SDCCAG8: variants seen among roughly 807,000 people sequenced by gnomAD.
SDCCAG8 encodes the protein SHH signaling and ciliogenesis regulator SDCCAG8, also known as serologically defined colon cancer antigen 8.
Under a neutral mutation model 101.8 loss-of-function variants are expected in SDCCAG8, and 74 were observed. The observed-to-expected ratio is 0.73, with a 90% confidence interval of 0.60 to 0.88. The LOEUF is 0.88. Among genes scored for constraint, SDCCAG8 ranks in the 40% least tolerant of loss-of-function variants. The probability of loss-of-function intolerance (pLI) is 0.00; values close to 1 mark genes in which losing one functional copy is unlikely to be tolerated. For synonymous variants in SDCCAG8, 281 were observed against 292.9 expected (o/e 0.96, Z 0.41); for missense variants, 787 against 822.6 (o/e 0.96, Z 0.53).
At chr1:243,481,896 A>C (rs377476478) in intron 16 of SDCCAG8, among the ~76,000 whole-genome samples, 2 of 152,338 alleles carry the variant, frequency 1.3e-5, no homozygotes, top group African/African-American at 4.8e-5. Context: ...ATTGAAAAAC[A>C]TACACGCATA....
chr1:243,318,120 A>C, intron 9 of SDCCAG8: 1 of 455,760 alleles, frequency 2.2e-6, no homozygotes, highest in African/African-American at 2.0e-5. Context: ...TTCATCACTG[A>C]CAGATTGTAT....
At chr1:243,446,368 T>C (rs2082906996) in intron 16 of SDCCAG8, among the ~76,000 whole-genome samples, 1 of 152,098 alleles carries the variant, frequency 6.6e-6, no homozygotes, top group South Asian at 2.1e-4. Context: ...CTGGGATAAA[T>C]TGATCCTTCC....
intron 12 of SDCCAG8, among the ~76,000 whole-genome samples, chr1:243,361,084 A>G (rs961568500): frequency 6.6e-6 from 1 of 152,112 alleles, no homozygotes; most frequent in Admixed American, 6.5e-5. Flanking sequence ...TCTTTTCAAC[A>G]TATTGCCATA....
rs1344019454 is a variant in SDCCAG8 at position 243,458,668 on chromosome 1, T to A, written c.1986-30346T>A. Among the ~76,000 whole-genome samples, 2 of 152,184 alleles carry A rather than the reference T, an allele frequency of 1.3e-5. No homozygotes were observed. ...AGATGCCAAACGTGAACCTGGGCAG[T>A]GTGGCTGCCAATTCTGGGAAGAAGG... On this transcript the variant is annotated intron_variant, in intron 16 of 17. Coordinates refer to ENST00000366541, the MANE Select transcript of SDCCAG8 (RefSeq NM_006642.5). The surrounding 1 kb of genome is among the most constrained non-coding windows in gnomAD (Gnocchi z 4.5).
At chr1:243,472,746 G>C (rs1289767054) in intron 16 of SDCCAG8, among the ~76,000 whole-genome samples, 1 of 152,208 alleles carries the variant, frequency 6.6e-6, no homozygotes, top group Non-Finnish European at 1.5e-5. Flanking sequence ...ACTCCAGCAG[G>C]AGAACAGGAC....
At chr1:243,353,238 C>T (rs2147822940) in intron 12 of SDCCAG8, among the ~76,000 whole-genome samples, 1 of 151,930 alleles carries the variant, frequency 6.6e-6, no homozygotes, top group East Asian at 2.0e-4. Context: ...TGCCTGTAAT[C>T]CCAGCACTTT....
intron 16 of SDCCAG8, among the ~76,000 whole-genome samples, chr1:243,446,874 G>T (rs1334532265): frequency 6.6e-6 from 1 of 152,142 alleles, no homozygotes; most frequent in South Asian, 2.1e-4. Context: ...TTGCATAAAA[G>T]TCATGGAAGG....
chr1:243,267,771 A>T, intron 1 of SDCCAG8: 1 of 806,408 alleles, frequency 1.2e-6, no homozygotes, highest in Non-Finnish European at 2.3e-6. Context: ...GCCACTCAAT[A>T]CTTCTGCCCC....
intron 13 of SDCCAG8, among the ~76,000 whole-genome samples, chr1:243,408,651 G>GT (rs2079956339): frequency 1.3e-5 from 2 of 152,178 alleles, no homozygotes; most frequent in African/African-American, 4.8e-5. Flanking sequence ...CTGAAGCATA[G>GT]TGATTCACTG....
intron 16 of SDCCAG8, among the ~76,000 whole-genome samples, chr1:243,451,871 G>A (rs978515036): frequency 2.0e-5 from 3 of 152,216 alleles, no homozygotes; most frequent in Non-Finnish European, 1.5e-5. Flanking sequence ...AGAGGTTGCC[G>A]TGAGCTGAGA....
At chr1:243,360,144 C>CTTTTT (rs397860448) in intron 12 of SDCCAG8, among the ~76,000 whole-genome samples, 1 of 112,870 alleles carries the variant, frequency 8.9e-6, no homozygotes, top group African/African-American at 3.7e-5. Flanking sequence ...GCAACAGTCT[C>CTTTTT]TTTTTTTTTT....
intron 4 of SDCCAG8, among the ~76,000 whole-genome samples, chr1:243,279,133 T>C (rs1409050988): frequency 2.0e-5 from 3 of 152,142 alleles, no homozygotes; most frequent in Admixed American, 6.6e-5. Flanking sequence ...AGCTAAGACT[T>C]TTTGGAATGA....
chr1:243,389,149 C>A (rs1279284038), intron 13 of SDCCAG8, among the ~76,000 whole-genome samples: 3 of 144,692 alleles, frequency 2.1e-5, no homozygotes, highest in Non-Finnish European at 3.0e-5. Context: ...TCTGTCCCCC[C>A]TCCCCCCCCC....
chr1:243,331,999 C>T (rs1311137386), intron 10 of SDCCAG8, among the ~76,000 whole-genome samples: 1 of 152,210 alleles, frequency 6.6e-6, no homozygotes, highest in South Asian at 2.1e-4. Context: ...CTTGTCTAGG[C>T]AGTCACGAAA....
Position 243,384,450 on chromosome 1 carries a change from T to A in SDCCAG8, c.1616+5587T>A, listed in dbSNP as rs143626072. Among the ~76,000 whole-genome samples the A allele has an allele frequency of 4.1e-3, 632 of 152,356 alleles. 35 individuals carry two copies. The East Asian group carries it at 0.1, about 25-fold the overall frequency. On this transcript the variant is annotated intron_variant, in intron 13 of 17. Coordinates refer to ENST00000366541, the MANE Select transcript of SDCCAG8 (RefSeq NM_006642.5). Reference sequence around the variant, plus strand: ...ATACTATATTATGATTTTGTAATAATCACTTTTTTAAATTTTTAACTTTGT... The same window carrying A: ...ATACTATATTATGATTTTGTAATAAACACTTTTTTAAATTTTTAACTTTGT...
At chr1:243,360,864 C>G (rs915566025) in intron 12 of SDCCAG8, among the ~76,000 whole-genome samples, 6 of 151,926 alleles carry the variant, frequency 3.9e-5, no homozygotes, top group Admixed American at 3.9e-4. Context: ...AAAAAACAAC[C>G]TATGTCTGAT....
chr1:243,480,804 G>A (rs1269717830), intron 16 of SDCCAG8, among the ~76,000 whole-genome samples: 2 of 138,312 alleles, frequency 1.4e-5, no homozygotes, highest in Admixed American at 1.4e-4. Context: ...ATGGATGGAT[G>A]GATGGATGGG....
chr1:243,352,074 TATTA>T (rs2076112960), intron 12 of SDCCAG8, among the ~76,000 whole-genome samples: 2 of 152,188 alleles, frequency 1.3e-5, no homozygotes, highest in Admixed American at 1.3e-4. Context: ...AAAAAGAATC[TATTA>T]ATTTCTGCTT....
At chr1:243,290,360 A>G (rs963906093) in intron 5 of SDCCAG8, among the ~76,000 whole-genome samples, 1 of 152,186 alleles carries the variant, frequency 6.6e-6, no homozygotes. Flanking sequence ...TAGACTAGCA[A>G]TTCTTTCCAA....
Sources: allele counts gnomAD v4.1 joint callset (sites outside exome capture counted in the v4.1 genomes callset), GRCh38; gene constraint gnomAD v4.1.1; non-coding constraint Gnocchi (gnomAD v3.1); transcripts MANE v1.5; gene names NCBI Gene and HGNC (gene_info 2026-07-23, HGNC 2026-07-21).